Variants in RBFOX1 observed in about 807,000 individuals in gnomAD.
The protein encoded by RBFOX1 is RNA binding protein fox-1 homolog 1.
RBFOX1 carries 8 observed loss-of-function variants against 57.7 expected under a neutral mutation model. The observed-to-expected ratio is 0.14, with a 90% CI of 0.08 to 0.25. The LOEUF (loss-of-function observed/expected upper bound fraction) is 0.25, where lower values mean the gene tolerates loss of function less well. Among genes scored for constraint, RBFOX1 ranks in the 10% least tolerant of loss-of-function variants. The pLI is 1.00. For synonymous variants in RBFOX1, 326 were observed against 222.4 expected (o/e 1.47, Z -4.15); for missense variants, 611 against 548.5 (o/e 1.11, Z -1.14).
intron 4 of RBFOX1, among the ~76,000 whole-genome samples, chr16:7,104,725 T>G (rs1396682828): frequency 6.6e-6 from 1 of 152,154 alleles, no homozygotes; most frequent in African/African-American, 2.4e-5. Context: ...ACCAAGGAAC[T>G]CTAATGTTCA....
At chr16:7,220,988 C>T (rs1370064759) in intron 4 of RBFOX1, among the ~76,000 whole-genome samples, 1 of 152,122 alleles carries the variant, frequency 6.6e-6, no homozygotes. Context: ...TAAGACAAGT[C>T]ATCGGTTTCC....
chr16:7,418,128 C>T (rs1568771147), intron 4 of RBFOX1, among the ~76,000 whole-genome samples: 3 of 152,190 alleles, frequency 2.0e-5, no homozygotes, highest in Non-Finnish European at 4.4e-5. Context: ...CACGGCCAAC[C>T]TAGGTCCATT....
At chr16:7,410,407 C>G (rs951782973) in intron 4 of RBFOX1, among the ~76,000 whole-genome samples, 1 of 152,208 alleles carries the variant, frequency 6.6e-6, no homozygotes, top group Non-Finnish European at 1.5e-5. Context: ...CTCGGCTGAG[C>G]GTGATGGCTC....
intron 3 of RBFOX1, among the ~76,000 whole-genome samples, chr16:6,964,334 A>C (rs1034087927): frequency 6.6e-6 from 1 of 152,162 alleles, no homozygotes; most frequent in African/African-American, 2.4e-5. Context: ...GAGGATTTTT[A>C]GGGCAGTGAA....
chr16:6,474,263 G>A (rs2095238300), intron 2 of RBFOX1, among the ~76,000 whole-genome samples: 1 of 152,086 alleles, frequency 6.6e-6, no homozygotes, highest in Admixed American at 6.5e-5. Flanking sequence ...TTCGATGTGA[G>A]GGAATAGTAA....
intron 3 of RBFOX1, among the ~76,000 whole-genome samples, chr16:5,712,209 C>T (rs909185603): frequency 2.0e-5 from 3 of 152,210 alleles, no homozygotes; most frequent in Admixed American, 1.3e-4. Flanking sequence ...CCTTCTTCAA[C>T]ACCTCAACAC....
chr16:5,733,761 T>G (rs533929512), intron 3 of RBFOX1, among the ~76,000 whole-genome samples: 3 of 152,160 alleles, frequency 2.0e-5, no homozygotes, highest in African/African-American at 7.2e-5. Context: ...TTTTTCTCTT[T>G]CCCATTCTCA....
intron 1 of RBFOX1, among the ~76,000 whole-genome samples, chr16:5,374,070 A>G (rs1449982742): frequency 4.6e-5 from 7 of 151,828 alleles, no homozygotes; most frequent in Non-Finnish European, 1.0e-4. Flanking sequence ...GGCACCTGCC[A>G]TCATGTGCAG....
chr16:6,570,757 A>C (rs1018909156), intron 2 of RBFOX1, among the ~76,000 whole-genome samples: 1 of 152,184 alleles, frequency 6.6e-6, no homozygotes, highest in Non-Finnish European at 1.5e-5. Context: ...GCCATGTGGC[A>C]TTTGTTTAAG....
At chr16:6,937,280 C>T (rs567596034) in intron 3 of RBFOX1, among the ~76,000 whole-genome samples, 90 of 152,256 alleles carry the variant, frequency 5.9e-4, no homozygotes, top group Non-Finnish European at 9.9e-4. Context: ...TCACGACCAA[C>T]ACTGTTTCCT....
chr16:5,860,584 G>T (rs2057188059), intron 3 of RBFOX1, among the ~76,000 whole-genome samples: 1 of 152,184 alleles, frequency 6.6e-6, no homozygotes, highest in Admixed American at 6.5e-5. Flanking sequence ...TCATTAGGAC[G>T]CAAAGTTGCC....
At chr16:6,617,852 G>C (rs1179553237) in intron 2 of RBFOX1, among the ~76,000 whole-genome samples, 1 of 152,168 alleles carries the variant, frequency 6.6e-6, no homozygotes. Flanking sequence ...AGTGATGTGA[G>C]TTTCAATAAG....
intron 2 of RBFOX1, among the ~76,000 whole-genome samples, chr16:6,494,576 C>G (rs1421670868): frequency 6.6e-6 from 1 of 152,182 alleles, no homozygotes; most frequent in African/African-American, 2.4e-5. Context: ...ACAGCTTAAC[C>G]ATTCACCTGT....
intron 2 of RBFOX1, among the ~76,000 whole-genome samples, chr16:6,424,452 A>T (rs992826350): frequency 1.3e-5 from 2 of 152,192 alleles, no homozygotes; most frequent in Non-Finnish European, 2.9e-5. Context: ...CTAACCATGT[A>T]TGGAAACATT....
chr16:5,282,356 G>C (rs1018829411), intron 1 of RBFOX1, among the ~76,000 whole-genome samples: 2 of 152,226 alleles, frequency 1.3e-5, no homozygotes, highest in Admixed American at 6.5e-5. Context: ...ATTGGTACCA[G>C]AAGTGGGGTG....
intron 1 of RBFOX1, among the ~76,000 whole-genome samples, chr16:6,275,792 A>G (rs1225182715): frequency 6.6e-6 from 1 of 152,218 alleles, no homozygotes; most frequent in Non-Finnish European, 1.5e-5. Context: ...TTTGTCTGCC[A>G]ATTAGTATGA....
intron 2 of RBFOX1, among the ~76,000 whole-genome samples, chr16:6,480,798 G>C (rs966249788): frequency 2.0e-5 from 3 of 152,260 alleles, no homozygotes; most frequent in Non-Finnish European, 4.4e-5. Flanking sequence ...GTACCTTATA[G>C]TGTGTATTTT....
intron 4 of RBFOX1, among the ~76,000 whole-genome samples, chr16:5,956,670 A>ATTTTTTTTTT (rs1303621980): frequency 2.2e-5 from 1 of 45,854 alleles, no homozygotes; most frequent in African/African-American, 1.0e-4. Context: ...ATATATATAT[A>ATTTTTTTTTT]TATATATATT....
intron 2 of RBFOX1, among the ~76,000 whole-genome samples, chr16:6,476,356 AGGCACACCTTGGAGATACT>A (rs1393761203): frequency 1.3e-5 from 2 of 152,196 alleles, no homozygotes; most frequent in African/African-American, 4.8e-5. Flanking sequence ...ATAGATGTAC[AGGCACACCTTGGAGATACT>A]GTAGGTTCAG....
Sources: gnomAD v4.1 joint callset for allele counts (sites outside exome capture counted in the v4.1 genomes callset) on GRCh38, gnomAD v4.1.1 for gene constraint, MANE v1.5 for transcripts, NCBI Gene and HGNC (gene_info 2026-07-23, HGNC 2026-07-21) for gene names.